CHD6: variants seen among roughly 807,000 people sequenced by gnomAD.
CHD6 encodes the protein chromodomain helicase DNA binding protein 6.
In CHD6, 50 loss-of-function variants were observed where a neutral mutation model predicts 276.9. The observed-to-expected ratio is 0.18, with a 90% confidence interval of 0.14 to 0.23. CHD6 has a LOEUF of 0.23. Ranked by LOEUF, CHD6 falls within the 10% of genes least tolerant of loss-of-function variation. CHD6 has a pLI of 1.00. For synonymous variants in CHD6, 1,173 were observed against 1,229.3 expected, an observed-to-expected ratio of 0.95 and a Z score of 0.96; for missense variants, 2,564 against 3,365.8, an observed-to-expected ratio of 0.76 and a Z score of 5.89.
chr20:41,414,577 T>A (rs185728570), intron 34 of CHD6: 1 of 183,340 alleles, frequency 5.5e-6, no homozygotes, highest in East Asian at 8.9e-5. Flanking sequence ...GTAAAAGGGA[T>A]CTCTCTTGGC....
chr20:41,616,261 G>A (rs1423180188), intron 1 of CHD6, among the ~76,000 whole-genome samples: 1 of 152,076 alleles, frequency 6.6e-6, no homozygotes. Flanking sequence ...TAAAGATATA[G>A]AATATTTAAA....
intron 8 of CHD6, among the ~76,000 whole-genome samples, chr20:41,494,692 C>A (rs897446605): frequency 1.3e-4 from 20 of 152,176 alleles, no homozygotes; most frequent in Non-Finnish European, 2.5e-4. Context: ...AGCCCTCCTC[C>A]AGGAGTGCTG....
At chr20:41,511,643 G>A (rs1327987051) in intron 5 of CHD6, among the ~76,000 whole-genome samples, 1 of 152,114 alleles carries the variant, frequency 6.6e-6, no homozygotes, top group African/African-American at 2.4e-5. Flanking sequence ...TACTGTGACT[G>A]CTCCTATCTC....
intron 1 of CHD6, among the ~76,000 whole-genome samples, chr20:41,618,047 A>C (rs958095871): frequency 6.8e-6 from 1 of 147,298 alleles, no homozygotes; most frequent in African/African-American, 2.5e-5. Context: ...GCGCACTCCC[A>C]AGGACGGCCG....
chr20:41,485,876 T>C (rs1398483727), intron 14 of CHD6: 1 of 152,172 alleles, frequency 6.6e-6, no homozygotes, highest in Non-Finnish European at 1.5e-5. Flanking sequence ...ATTAGCTCTA[T>C]TTAGCCATTC....
chr20:41,603,593 C>T (rs1457081593), intron 1 of CHD6, among the ~76,000 whole-genome samples: 1 of 151,036 alleles, frequency 6.6e-6, no homozygotes, highest in Non-Finnish European at 1.5e-5. Flanking sequence ...GGGCTGGGCA[C>T]GGTGGCTCAC....
At chr20:41,408,903 G>C (rs1254790865) in intron 36 of CHD6, among the ~76,000 whole-genome samples, 2 of 152,200 alleles carry the variant, frequency 1.3e-5, no homozygotes, top group Non-Finnish European at 2.9e-5. Flanking sequence ...ACCAGACTAT[G>C]CCCCAGAGGA....
chr20:41,452,827 G>C lies in CHD6; in HGVS notation c.3236C>G (p.Pro1079Arg). 1 of 1,613,202 alleles carries C rather than the reference G, an allele frequency of 6.2e-7. No individual in the cohort carries two copies. The highest frequency in any genetic ancestry group is 1.3e-5 in the African/African-American group (1 of 74,690). The change falls in exon 21 of 37, where the codon CCC becomes CGC. Residue 1079 changes from proline (P) to arginine (R), a missense_variant. Coordinates refer to ENST00000373233, the MANE Select transcript of CHD6 (RefSeq NM_032221.5). The surrounding 1 kb of genome is among the most constrained non-coding windows in gnomAD (Gnocchi z 4.2). Reference sequence around the variant, plus strand: ...GTCATTGAGGCGCCTGGATCTCGTGGGCCTTTCGTCTGAGTCGCTGTCTAA... The same window carrying C: ...GTCATTGAGGCGCCTGGATCTCGTGCGCCTTTCGTCTGAGTCGCTGTCTAA... ...SELDSDSDERPTRSRRLNDKA... is the reference protein window; with the variant it reads ...SELDSDSDERRTRSRRLNDKA...
At chr20:41,572,860 A>G (rs1365634381) in intron 1 of CHD6, among the ~76,000 whole-genome samples, 1 of 152,180 alleles carries the variant, frequency 6.6e-6, no homozygotes, top group African/African-American at 2.4e-5. Context: ...TTCAACTTTA[A>G]TAACTAGGAG....
intron 16 of CHD6, among the ~76,000 whole-genome samples, chr20:41,474,156 G>A (rs1049032435): frequency 6.6e-6 from 1 of 152,196 alleles, no homozygotes; most frequent in Non-Finnish European, 1.5e-5. Flanking sequence ...TTTGAGGTGT[G>A]TGTGTGGGGT....
chr20:41,463,394 C>T (rs759883153), intron 17 of CHD6, among the ~76,000 whole-genome samples: 13 of 152,022 alleles, frequency 8.6e-5, no homozygotes, highest in Non-Finnish European at 1.9e-4. Flanking sequence ...TTTATTTCTC[C>T]AAAATTACTT....
intron 1 of CHD6, among the ~76,000 whole-genome samples, chr20:41,576,483 C>G (rs760362893): frequency 1.3e-5 from 2 of 152,086 alleles, no homozygotes; most frequent in Admixed American, 6.6e-5. Context: ...GTCAGGAGTT[C>G]GAGACCAGCC....
At chr20:41,442,633 A>G (rs1022859823) in intron 25 of CHD6, among the ~76,000 whole-genome samples, 3 of 152,224 alleles carry the variant, frequency 2.0e-5, no homozygotes, top group African/African-American at 7.2e-5. Context: ...ATGGCTAAGT[A>G]TCACATCTCC....
At position 41,591,379 on chromosome 20, in the gene CHD6, T is replaced by TACACACACAC. The variant is rs201725894; in HGVS notation, c.-24+26951_-24+26960dup. On this transcript the variant is annotated intron_variant, in intron 1 of 36. Coordinates refer to ENST00000373233, the MANE Select transcript of CHD6 (RefSeq NM_032221.5). ...GTATAATTTTACATATATATATATA[T>TACACACACAC]ACACACACACACACACACACACACA... Among the ~76,000 whole-genome samples, 941 of 144,176 alleles carry TACACACACAC rather than the reference T, an allele frequency of 6.5e-3. 15 individuals carry two copies. The highest frequency in any genetic ancestry group is 0.022 in the African/African-American group (879 of 39,098). 94.6% of individuals were successfully genotyped at this position (144,176 alleles called of 152,430 possible).
intron 27 of CHD6, among the ~76,000 whole-genome samples, chr20:41,427,100 A>G (rs2047388803): frequency 6.6e-6 from 1 of 152,016 alleles, no homozygotes; most frequent in Non-Finnish European, 1.5e-5. Flanking sequence ...GGTGAAAAAA[A>G]GGGAGGAAGA....
At chr20:41,483,143 T>C (rs529283903) in intron 16 of CHD6, among the ~76,000 whole-genome samples, 166 bp downstream of exon 16, 1 of 152,308 alleles carries the variant, frequency 6.6e-6, no homozygotes, top group South Asian at 2.1e-4. Flanking sequence ...TGGGTCCATT[T>C]GGTCATAAAA....
intron 1 of CHD6, among the ~76,000 whole-genome samples, 152 bp downstream of exon 1, chr20:41,618,188 C>G (rs1275849661): frequency 1.3e-5 from 2 of 151,188 alleles, no homozygotes; most frequent in African/African-American, 4.8e-5. Flanking sequence ...GGACCCCAGC[C>G]CGGCCGGGCC....
chr20:41,532,863 T>G (rs1966919841), intron 3 of CHD6, among the ~76,000 whole-genome samples, 187 bp downstream of exon 3: 1 of 152,190 alleles, frequency 6.6e-6, no homozygotes. Flanking sequence ...AACAGCAACC[T>G]CCAAGGACAG....
chr20:41,502,183 T>C (rs189111367), intron 5 of CHD6, among the ~76,000 whole-genome samples: 11 of 152,288 alleles, frequency 7.2e-5, no homozygotes, highest in Admixed American at 2.6e-4. Context: ...TTTAAGAAAT[T>C]TGTATTGCCA....
Sources: gnomAD v4.1 joint callset for allele counts (sites outside exome capture counted in the v4.1 genomes callset) on GRCh38, gnomAD v4.1.1 for gene constraint, Gnocchi (gnomAD v3.1) non-coding constraint, MANE v1.5 for transcripts, NCBI Gene and HGNC (gene_info 2026-07-23, HGNC 2026-07-21) for gene names.